PRKG1: variants seen among roughly 807,000 people sequenced by gnomAD.
The protein encoded by PRKG1 is protein kinase cGMP-dependent 1, also known as cGMP-dependent protein kinase 1.
In PRKG1, 35 loss-of-function variants were observed where a neutral mutation model predicts 88.1. That is an observed-to-expected ratio of 0.40 (90% confidence interval 0.30 to 0.53). The LOEUF (loss-of-function observed/expected upper bound fraction) is 0.53, where lower values mean the gene tolerates loss of function less well. Ranked by LOEUF, PRKG1 falls within the 20% of genes least tolerant of loss-of-function variation. The pLI, the probability that PRKG1 is intolerant of heterozygous loss-of-function variation, is 0.59. For missense variants in PRKG1, 540 were observed against 839.8 expected (o/e 0.64, Z 4.41); for synonymous variants, 303 against 292.5 (o/e 1.04, Z -0.37).
chr10:52,217,532 A>C (rs554395348), intron 9 of PRKG1, among the ~76,000 whole-genome samples: 76 of 148,312 alleles, frequency 5.1e-4, no homozygotes, highest in Non-Finnish European at 1.9e-4. Context: ...CAAATGGTAC[A>C]TAGAGAGATT....
chr10:51,721,212 T>TAA lies in PRKG1; in HGVS notation c.593-83354_593-83353dup, dbSNP rs55873432. Among the ~76,000 whole-genome samples the TAA allele has an allele frequency of 4.7e-3, 573 of 122,012 alleles. 6 individuals are homozygous for TAA. The highest frequency in any genetic ancestry group is 0.017 in the African/African-American group (552 of 31,870). 80.0% of individuals were successfully genotyped at this position (122,012 alleles called of 152,430 possible). ...CTCTGGGTGACAGAGCAAGACCTAT[T>TAA]AAAAAAAAAAAAAAAAAAAAGAAAA... On this transcript the variant is annotated intron_variant, in intron 3 of 17. Transcript: ENST00000373980.
intron 10 of PRKG1, among the ~76,000 whole-genome samples, chr10:52,259,660 C>T (rs764344464): frequency 3.6e-4 from 55 of 152,056 alleles, no homozygotes; most frequent in Admixed American, 1.1e-3. Flanking sequence ...GTCTCTAGCT[C>T]CAGCCCACTG....
intron 2 of PRKG1, among the ~76,000 whole-genome samples, chr10:51,341,211 C>T (rs1276670397): frequency 6.6e-6 from 1 of 152,084 alleles, no homozygotes; most frequent in Non-Finnish European, 1.5e-5. Flanking sequence ...TAAACTATTA[C>T]TTTTTTTAAA....
At chr10:51,899,118 T>C (rs1053774615) in intron 4 of PRKG1, among the ~76,000 whole-genome samples, 2 of 152,164 alleles carry the variant, frequency 1.3e-5, no homozygotes. Context: ...TAGTATCTTC[T>C]CTTAATATTA....
chr10:52,075,723 C>A (rs1846611881), intron 7 of PRKG1, among the ~76,000 whole-genome samples: 1 of 152,170 alleles, frequency 6.6e-6, no homozygotes, highest in African/African-American at 2.4e-5. Context: ...GGTCAAGATG[C>A]TAACATTGTC....
At chr10:52,195,386 A>G (rs994940237) in intron 9 of PRKG1, among the ~76,000 whole-genome samples, 1 of 152,182 alleles carries the variant, frequency 6.6e-6, no homozygotes, top group Non-Finnish European at 1.5e-5. Context: ...TAAGATATCA[A>G]CCAGCATTCT....
intron 1 of PRKG1, among the ~76,000 whole-genome samples, chr10:51,037,628 A>G (rs1051664464): frequency 2.0e-5 from 3 of 152,112 alleles, no homozygotes; most frequent in African/African-American, 7.2e-5. Flanking sequence ...TACTAAAAAT[A>G]CAAAAATTAG....
intron 9 of PRKG1, among the ~76,000 whole-genome samples, chr10:52,245,061 C>T (rs1208647798): frequency 6.7e-6 from 1 of 150,174 alleles, no homozygotes; most frequent in South Asian, 2.1e-4. Flanking sequence ...TTAGTCAATA[C>T]ACTAAGCTTT....
At chr10:51,899,752 T>A (rs1841940679) in intron 4 of PRKG1, among the ~76,000 whole-genome samples, 1 of 150,698 alleles carries the variant, frequency 6.6e-6, no homozygotes, top group Non-Finnish European at 1.5e-5. Flanking sequence ...CTCATATTGA[T>A]ATGGTTTGGA....
chr10:51,930,010 G>A (rs141782879), intron 5 of PRKG1, among the ~76,000 whole-genome samples: 1 of 152,258 alleles, frequency 6.6e-6, no homozygotes, highest in Non-Finnish European at 1.5e-5. Flanking sequence ...AGAAAAGAAA[G>A]TGACATGATC....
intron 3 of PRKG1, among the ~76,000 whole-genome samples, chr10:51,757,944 T>A (rs1837912596): frequency 6.6e-6 from 1 of 152,224 alleles, no homozygotes; most frequent in African/African-American, 2.4e-5. Flanking sequence ...AGTTGCAGCC[T>A]AGGAGATAAC....
At chr10:51,211,567 C>T (rs1838221320) in intron 2 of PRKG1, among the ~76,000 whole-genome samples, 1 of 152,066 alleles carries the variant, frequency 6.6e-6, no homozygotes, top group Non-Finnish European at 1.5e-5. Flanking sequence ...CTAGAAAACC[C>T]CATCGTCTCA....
chr10:51,628,883 C>T (rs1023127682), intron 3 of PRKG1, among the ~76,000 whole-genome samples: 11 of 149,970 alleles, frequency 7.3e-5, no homozygotes, highest in African/African-American at 2.2e-4. Context: ...GGCGTGAACC[C>T]GGGAAGCGGA....
chr10:51,385,917 A>C (rs899843372), intron 2 of PRKG1, among the ~76,000 whole-genome samples: 2 of 152,240 alleles, frequency 1.3e-5, no homozygotes, highest in Admixed American at 1.3e-4. Context: ...AAGAGGATAT[A>C]TACAAAAGAG....
chr10:51,172,016 CT>C (rs5784860), intron 2 of PRKG1, among the ~76,000 whole-genome samples: 152,196 of 152,196 alleles, frequency 1, 76,098 homozygotes, highest in Non-Finnish European at 1. Flanking sequence ...TTTCAATTAC[CT>C]TTTAAGTCAA....
intron 2 of PRKG1, among the ~76,000 whole-genome samples, chr10:51,439,988 GTAAA>G (rs1005655644): frequency 2.6e-5 from 4 of 151,844 alleles, no homozygotes; most frequent in Non-Finnish European, 5.9e-5. Flanking sequence ...TTCTTTTAAA[GTAAA>G]TATTTAAGAA....
rs193114112 is a variant in PRKG1, at chr10:51,138,275, C to T, written c.312-14889C>T. Among the ~76,000 whole-genome samples, 517 of 152,272 alleles carry T rather than the reference C, an allele frequency of 3.4e-3. 3 individuals are homozygous for T. The highest frequency in any genetic ancestry group is 0.011 in the African/African-American group (477 of 41,568). On this transcript the variant is annotated intron_variant, in intron 1 of 17. Transcript: ENST00000373980. ...GAATTTCAAAACACTGTATTCAGCACAGAAACCTTAATGATCCTCATGGTG... is the reference window on the plus strand; with the variant it reads ...GAATTTCAAAACACTGTATTCAGCATAGAAACCTTAATGATCCTCATGGTG...
Position 52,291,973 on chromosome 10 carries a change from T to A in PRKG1, c.1962+1683T>A, listed in dbSNP as rs559412279. Among the ~76,000 whole-genome samples, 4 of 152,332 alleles carry A rather than the reference T, an allele frequency of 2.6e-5. No individual in the cohort carries two copies. The South Asian group carries it at 8.3e-4, about 32-fold the overall frequency. On this transcript the variant is annotated intron_variant, in intron 17 of 17. Transcript: ENST00000373980. ...ACTGGTGTGAGATGGTATCTCATTGTTGTGTTGATTTGCATTTCTCTGATG... is the reference window on the plus strand; with the variant it reads ...ACTGGTGTGAGATGGTATCTCATTGATGTGTTGATTTGCATTTCTCTGATG...
chr10:51,010,023 C>T (rs1368531666), intron 1 of PRKG1, among the ~76,000 whole-genome samples: 3 of 152,152 alleles, frequency 2.0e-5, no homozygotes, highest in Non-Finnish European at 4.4e-5. Flanking sequence ...AGAAACTTTA[C>T]TGGAAATGTC....
Sources: gnomAD v4.1 joint callset for allele counts (sites outside exome capture counted in the v4.1 genomes callset) on GRCh38, gnomAD v4.1.1 for gene constraint, MANE v1.5 for transcripts, NCBI Gene and HGNC (gene_info 2026-07-23, HGNC 2026-07-21) for gene names.